Variants in LRFN5 observed in about 807,000 individuals in gnomAD.
LRFN5 encodes the protein leucine-rich repeat and fibronectin type-III domain-containing protein 5.
A neutral mutation model predicts 45.6 loss-of-function variants in LRFN5; 24 were observed. The ratio of observed to expected loss-of-function variants is 0.53; its 90% CI spans 0.38 to 0.74. The LOEUF is 0.74. Ranked by LOEUF, LRFN5 falls within the 30% of genes least tolerant of loss-of-function variation. The pLI is 0.00. For missense variants in LRFN5, 776 were observed against 861.5 expected, an observed-to-expected ratio of 0.90 and a Z score of 1.24; for synonymous variants, 340 against 313.8, an observed-to-expected ratio of 1.08 and a Z score of -0.88.
At position 41,884,418 on chromosome 14, in the gene LRFN5, T is replaced by A. The variant is rs948041651; in HGVS notation, c.-20-2188T>A. On this transcript the variant is annotated intron_variant, in intron 2 of 5. Transcript: ENST00000298119. ...TTTTATTAACTAGATCAACATTTCA[T>A]ATGGCATCAAATAGGTGTTGTGCTG... Among the ~76,000 whole-genome samples, 3 of 152,312 alleles carry A rather than the reference T, an allele frequency of 2.0e-5. No homozygotes were observed. The East Asian group carries it at 5.8e-4, about 29-fold the overall frequency.
At chr14:41,635,561 A>T (rs1101391) in intron 1 of LRFN5, among the ~76,000 whole-genome samples, 118,095 of 151,968 alleles carry the variant, frequency 0.78, 46,410 homozygotes, top group African/African-American at 0.9. Flanking sequence ...TTTATGGGGT[A>T]TAAAGAAAGA....
intron 2 of LRFN5, among the ~76,000 whole-genome samples, chr14:41,862,486 T>A (rs1889699363): frequency 6.6e-6 from 1 of 152,234 alleles, no homozygotes; most frequent in Non-Finnish European, 1.5e-5. Flanking sequence ...TTCTTTTTTT[T>A]CGTGATTGCA....
chr14:41,764,361 T>C (rs1728736091), intron 1 of LRFN5, among the ~76,000 whole-genome samples: 1 of 152,202 alleles, frequency 6.6e-6, no homozygotes, highest in Non-Finnish European at 1.5e-5. Flanking sequence ...TAAGAGAATT[T>C]TTTTAAGTTA....
At chr14:41,613,592 G>A (rs1166075171) in intron 1 of LRFN5, among the ~76,000 whole-genome samples, 1 of 151,660 alleles carries the variant, frequency 6.6e-6, no homozygotes. Context: ...GAAAACAATT[G>A]TAGAATTTTG....
At chr14:41,837,375 G>C (rs563664606) in intron 2 of LRFN5, among the ~76,000 whole-genome samples, 299 of 152,246 alleles carry the variant, frequency 2.0e-3, no homozygotes, top group Non-Finnish European at 3.0e-3. Context: ...GTACAGGGCA[G>C]TGGAGAAAGA....
intron 1 of LRFN5, among the ~76,000 whole-genome samples, chr14:41,633,321 A>T (rs909449414): frequency 5.9e-5 from 9 of 152,150 alleles, no homozygotes; most frequent in African/African-American, 1.9e-4. Context: ...AATGTTAAAA[A>T]ATTTCACTGT....
intron 1 of LRFN5, among the ~76,000 whole-genome samples, chr14:41,669,075 A>C (rs1262049902): frequency 6.6e-6 from 1 of 152,118 alleles, no homozygotes; most frequent in Non-Finnish European, 1.5e-5. Context: ...TTAAGTGACT[A>C]ATTTGTATAT....
intron 2 of LRFN5, among the ~76,000 whole-genome samples, chr14:41,876,308 T>C (rs1420111425): frequency 2.6e-5 from 3 of 114,642 alleles, no homozygotes; most frequent in Non-Finnish European, 5.1e-5. Context: ...TGAGACGGAG[T>C]GTCGCTCTGT....
intron 2 of LRFN5, among the ~76,000 whole-genome samples, chr14:41,820,913 T>C (rs1178399272): frequency 1.3e-5 from 2 of 152,058 alleles, no homozygotes; most frequent in Non-Finnish European, 2.9e-5. Flanking sequence ...AGTTCTCAGT[T>C]TGATTGTCAT....
chr14:41,737,153 A>G (rs1884475232), intron 1 of LRFN5, among the ~76,000 whole-genome samples: 1 of 152,132 alleles, frequency 6.6e-6, no homozygotes. Flanking sequence ...CCTATCCACC[A>G]CGATCAAGTT....
intron 2 of LRFN5, among the ~76,000 whole-genome samples, chr14:41,772,509 A>T (rs1886126222): frequency 6.6e-6 from 1 of 152,234 alleles, no homozygotes; most frequent in Non-Finnish European, 1.5e-5. Context: ...TTTAAATGAT[A>T]TCAAAAGTTA....
At chr14:41,818,349 A>G (rs1887991372) in intron 2 of LRFN5, among the ~76,000 whole-genome samples, 1 of 152,090 alleles carries the variant, frequency 6.6e-6, no homozygotes, top group Non-Finnish European at 1.5e-5. Flanking sequence ...CAATTTAAAC[A>G]GGGAACAAAA....
At chr14:41,667,125 A>G (rs925888791) in intron 1 of LRFN5, among the ~76,000 whole-genome samples, 3 of 152,178 alleles carry the variant, frequency 2.0e-5, no homozygotes, top group African/African-American at 7.2e-5. Flanking sequence ...AAACAAGACA[A>G]AGAATTAGTG....
intron 4 of LRFN5, chr14:41,893,666 A>G (rs1890853448): frequency 1.0e-6 from 1 of 985,218 alleles, no homozygotes; most frequent in East Asian, 1.1e-4. Flanking sequence ...TGACAAAGCC[A>G]CATCTTCTGA....
chr14:41,841,489 G>C (rs893979531), intron 2 of LRFN5, among the ~76,000 whole-genome samples: 3 of 151,906 alleles, frequency 2.0e-5, no homozygotes, highest in African/African-American at 7.2e-5. Context: ...ACCATTTTGT[G>C]TCTGGTTTCT....
chr14:41,631,703 A>G (rs1888540504), intron 1 of LRFN5, among the ~76,000 whole-genome samples: 1 of 152,142 alleles, frequency 6.6e-6, no homozygotes, highest in African/African-American at 2.4e-5. Flanking sequence ...ACTGAGAGAA[A>G]TAATAAGTCA....
intron 1 of LRFN5, among the ~76,000 whole-genome samples, chr14:41,730,405 A>G (rs1884120122): frequency 6.6e-6 from 1 of 151,994 alleles, no homozygotes. Flanking sequence ...CGAACACTTT[A>G]GTGGCAATGC....
chr14:41,824,339 C>T (rs1481190535), intron 2 of LRFN5, among the ~76,000 whole-genome samples: 1 of 152,154 alleles, frequency 6.6e-6, no homozygotes, highest in Non-Finnish European at 1.5e-5. Context: ...TTCCTCTTCC[C>T]TCCCAAAGGG....
At chr14:41,609,026 TGGAGGA>T (rs1887621140) in intron 1 of LRFN5, among the ~76,000 whole-genome samples, 1 of 152,216 alleles carries the variant, frequency 6.6e-6, no homozygotes, top group Admixed American at 6.5e-5. Flanking sequence ...TTCCTTGTTG[TGGAGGA>T]GCTTGCCAGA....
Sources: allele counts gnomAD v4.1 joint callset (sites outside exome capture counted in the v4.1 genomes callset), GRCh38; gene constraint gnomAD v4.1.1; transcripts MANE v1.5; gene names NCBI Gene and HGNC (gene_info 2026-07-23, HGNC 2026-07-21).